The following PCDHAC2 variants were observed in gnomAD, a reference collection of about 807,000 sequenced individuals.
The protein encoded by PCDHAC2 is protocadherin alpha subfamily C, 2, also known as protocadherin alpha-C2.
Under a neutral mutation model 63.3 loss-of-function variants are expected in PCDHAC2, and 24 were observed. The observed-to-expected ratio is 0.38, with a 90% CI of 0.27 to 0.53. The LOEUF is 0.53. PCDHAC2 is among the 20% of genes least tolerant of loss of function. PCDHAC2 has a pLI of 0.81. For synonymous variants in PCDHAC2, 569 were observed against 529.4 expected, an observed-to-expected ratio of 1.07 and a Z score of -1.03; for missense variants, 1,181 against 1,275.2, an observed-to-expected ratio of 0.93 and a Z score of 1.12.
rs976643195 is a variant in PCDHAC2 at position 141,010,391 on chromosome 5, C to A, written c.*454C>A. On this transcript the variant is annotated 3_prime_UTR_variant, in exon 4 of 4. Transcript: ENST00000289269. ...TGCGAGTGCCAGATATTGGCTGAGACGAGCCAGCTTAGACTAATTGGTACA... is the reference window on the plus strand; with the variant it reads ...TGCGAGTGCCAGATATTGGCTGAGAAGAGCCAGCTTAGACTAATTGGTACA... The A allele has an allele frequency of 2.2e-6, 3 of 1,386,760 alleles. No homozygotes were observed. Among genetic ancestry groups the A allele is most frequent in the Non-Finnish European group, 2.9e-6 (3 of 1,041,298 alleles). The allele number at this position is 1,386,760 out of a possible 1,614,324, so 85.9% of individuals were successfully genotyped here.
Position 141,012,299 on chromosome 5 carries a change from A to G in PCDHAC2, c.*2362A>G, listed in dbSNP as rs1554263904. 1 of 153,754 alleles carries G rather than the reference A, an allele frequency of 6.5e-6. No homozygotes were observed. Among genetic ancestry groups the G allele is most frequent in the African/African-American group, 2.4e-5 (1 of 41,456 alleles). The allele number at this position is 153,754 out of a possible 1,614,324, so 9.5% of individuals were successfully genotyped here. A position where few individuals can be genotyped will look rare whatever the true frequency, so the allele number is the denominator to read the frequency against. ...TGTGGATTCATTTTGAATTGGTGCT[A>G]TTGGTATTTCCTCTGTTATTGCTAA... On this transcript the variant is annotated 3_prime_UTR_variant, in exon 4 of 4. Transcript: ENST00000289269.
chr5:140,980,265 A>G (rs1041506600), intron 2 of PCDHAC2, among the ~76,000 whole-genome samples: 1 of 152,258 alleles, frequency 6.6e-6, no homozygotes, highest in Non-Finnish European at 1.5e-5. Flanking sequence ...CATGGTTTAC[A>G]GTACCAACTC....
chr5:140,967,921 C>A lies in PCDHAC2; in HGVS notation c.1155C>A (p.Ala385=), dbSNP rs781932025. 1.9e-6 allele frequency: 3 copies of A among 1,614,172 alleles called. No individual in the cohort carries two copies. The highest frequency in any genetic ancestry group is 3.3e-4 in the Middle Eastern group (2 of 6,062). The change falls in exon 1 of 4, where the codon GCC becomes GCA. Residue 385 remains alanine, a synonymous_variant. Coordinates refer to ENST00000289269, the MANE Select transcript of PCDHAC2 (RefSeq NM_018899.6). ...ATGCTACACCCAACACCATTGTGGCCGTTCTCAGTGTCAATGACCAAGACT... is the reference window on the plus strand; with the variant it reads ...ATGCTACACCCAACACCATTGTGGCAGTTCTCAGTGTCAATGACCAAGACT... ...PENATPNTIV[A]VLSVNDQDSG... is the part of the protein sequence containing the mutation.
rs781863404 is a variant in PCDHAC2, at chr5:141,010,259, G to C, written c.*322G>C. 6.4e-7 allele frequency: 1 copy of C among 1,551,820 alleles called. No individual in the cohort carries two copies. The highest frequency in any genetic ancestry group is 1.2e-5 in the South Asian group (1 of 84,074). On this transcript the variant is annotated 3_prime_UTR_variant, in exon 4 of 4. Coordinates refer to ENST00000289269, the MANE Select transcript of PCDHAC2 (RefSeq NM_018899.6). Reference sequence around the variant, plus strand: ...TGAGAGGTTGGACTCTCTGCCCTGTGCTCCGGGGATCCTGTCTTGATGACA... The same window carrying C: ...TGAGAGGTTGGACTCTCTGCCCTGTCCTCCGGGGATCCTGTCTTGATGACA...
chr5:141,000,417 ATATATTTTTTT>A (rs2097924314), intron 3 of PCDHAC2, among the ~76,000 whole-genome samples: 12 of 77,748 alleles, frequency 1.5e-4, no homozygotes, highest in Non-Finnish European at 2.3e-4. Flanking sequence ...ATATATATAT[ATATATTTTTTT>A]TTTTTTTTTT....
chr5:140,976,449 G>T (rs1554237649), intron 1 of PCDHAC2, among the ~76,000 whole-genome samples: 1 of 152,136 alleles, frequency 6.6e-6, no homozygotes, highest in Non-Finnish European at 1.5e-5. Flanking sequence ...TACTAGGGAG[G>T]CTGGGGAAGA....
chr5:141,007,981 T>C (rs1346324109), intron 3 of PCDHAC2, among the ~76,000 whole-genome samples: 1 of 152,260 alleles, frequency 6.6e-6, no homozygotes, highest in African/African-American at 2.4e-5. Context: ...GTCATGTATA[T>C]ATGAAATGTA....
At chr5:140,996,355 G>A (rs1164124431) in intron 3 of PCDHAC2, among the ~76,000 whole-genome samples, 1 of 152,218 alleles carries the variant, frequency 6.6e-6, no homozygotes, top group Non-Finnish European at 1.5e-5. Flanking sequence ...ACCAAAGTCA[G>A]AAGCCATTTT....
In PCDHAC2 at chr5:140,969,463, C is replaced by G. The variant is rs549074334; in HGVS notation, c.2565+132C>G. ...CTGGTAAACTGAGTATATATAGTAT[C>G]CACAATTTGATCATAATCTGCTATT... On this transcript the variant is annotated intron_variant, in intron 1 of 3. Coordinates refer to ENST00000289269, the MANE Select transcript of PCDHAC2 (RefSeq NM_018899.6). 74 of 1,491,016 alleles carry G rather than the reference C, an allele frequency of 5.0e-5. No homozygotes were observed. In the South Asian group the frequency reaches 6.0e-4, roughly 12 times the overall value. The allele number at this position is 1,491,016 out of a possible 1,614,324, so 92.4% of individuals were successfully genotyped here.
intron 3 of PCDHAC2, among the ~76,000 whole-genome samples, chr5:140,997,684 G>A (rs2097780776): frequency 6.6e-6 from 1 of 152,116 alleles, no homozygotes; most frequent in African/African-American, 2.4e-5. Context: ...GTGTGTGTGT[G>A]TGTGTGTGTG....
intron 3 of PCDHAC2, among the ~76,000 whole-genome samples, chr5:140,995,186 A>T (rs2097669011): frequency 6.6e-6 from 1 of 152,132 alleles, no homozygotes; most frequent in Non-Finnish European, 1.5e-5. Flanking sequence ...ACCTATGATA[A>T]AGTTTAATTT....
intron 3 of PCDHAC2, among the ~76,000 whole-genome samples, chr5:141,007,707 C>T (rs1027610738): frequency 6.6e-6 from 1 of 152,172 alleles, no homozygotes; most frequent in Non-Finnish European, 1.5e-5. Context: ...CCTCTGCCTC[C>T]CACCACCAGG....
chr5:140,966,852 T>C lies in PCDHAC2; in HGVS notation c.86T>C (p.Leu29Pro). Residue 29 changes from leucine (L) to proline (P), a missense_variant, in exon 1 of 4, where the codon CTG (leucine) becomes CCG (proline). Leu to Pro is a moderately conservative substitution (Grantham distance 98, BLOSUM62 -3). Coordinates refer to ENST00000289269, the MANE Select transcript of PCDHAC2 (RefSeq NM_018899.6). Reference protein sequence around the residue: ...PMPWLLLLPLLLLLLLLLPGP... With the variant: ...PMPWLLLLPLPLLLLLLLPGP... ...CCCTGGCTGCTGCTACTGCCTCTCC[T>C]GCTGCTGTTGCTGCTGCTGCTACCT... 1 of 1,572,518 alleles carries C rather than the reference T, an allele frequency of 6.4e-7. No homozygotes were observed. Among genetic ancestry groups the C allele is most frequent in the South Asian group, 1.1e-5 (1 of 87,058 alleles).
At chr5:140,983,092 T>C (rs782172308) in intron 3 of PCDHAC2, among the ~76,000 whole-genome samples, 4 of 152,178 alleles carry the variant, frequency 2.6e-5, no homozygotes, top group Non-Finnish European at 5.9e-5. Flanking sequence ...TCAAAGTCAA[T>C]CTGCTTCTCT....
chr5:140,971,210 C>G (rs192930872), intron 1 of PCDHAC2, among the ~76,000 whole-genome samples: 383 of 152,274 alleles, frequency 2.5e-3, no homozygotes, highest in Non-Finnish European at 3.7e-3. Context: ...CACTGTTACC[C>G]TCCCTCTCCT....
At chr5:141,007,716 G>A (rs887681362) in intron 3 of PCDHAC2, among the ~76,000 whole-genome samples, 4 of 152,246 alleles carry the variant, frequency 2.6e-5, no homozygotes, top group African/African-American at 4.8e-5. Context: ...CCCACCACCA[G>A]GGAGAACAAA....
Position 141,010,440 on chromosome 5 carries a change from A to G in PCDHAC2, c.*503A>G, listed in dbSNP as rs1279403327. 3 of 984,540 alleles carry G rather than the reference A, an allele frequency of 3.0e-6. No individual in the cohort carries two copies. Among genetic ancestry groups the G allele is most frequent in the Admixed American group, 5.9e-5 (2 of 34,150 alleles). The allele number at this position is 984,540 out of a possible 1,614,324, so 61.0% of individuals were successfully genotyped here. On this transcript the variant is annotated 3_prime_UTR_variant, in exon 4 of 4. Transcript: ENST00000289269. The stretch of plus-strand genomic sequence containing the variant: ...CAAGGAAGGCAAGAAAACAAAGACA[A>G]ATAAACAGCGGAAGTTATCAGTATG...
At chr5:140,992,486 A>G (rs2097515048) in intron 3 of PCDHAC2, among the ~76,000 whole-genome samples, 1 of 152,182 alleles carries the variant, frequency 6.6e-6, no homozygotes, top group Non-Finnish European at 1.5e-5. Flanking sequence ...CCAGAGGCCA[A>G]TCTGTAAGGA....
intron 3 of PCDHAC2, among the ~76,000 whole-genome samples, chr5:141,004,019 A>G (rs2098147783): frequency 6.6e-6 from 1 of 152,244 alleles, no homozygotes; most frequent in South Asian, 2.1e-4. Flanking sequence ...CACTGAAAGA[A>G]GAAACATTTC....
Sources: gnomAD v4.1 joint callset for allele counts (sites outside exome capture counted in the v4.1 genomes callset) on GRCh38, gnomAD v4.1.1 for gene constraint, MANE v1.5 for transcripts, NCBI Gene and HGNC (gene_info 2026-07-23, HGNC 2026-07-21) for gene names.